Variants in PIP4P2 observed in about 807,000 individuals in gnomAD.
PIP4P2 encodes the protein type 2 phosphatidylinositol 4,5-bisphosphate 4-phosphatase.
PIP4P2 carries 19 observed loss-of-function variants against 33.3 expected under a neutral mutation model. The observed-to-expected ratio is 0.57, with a 90% CI of 0.40 to 0.84. PIP4P2 has a LOEUF of 0.84. Ranked by LOEUF, PIP4P2 falls within the 40% of genes least tolerant of loss-of-function variation. PIP4P2 has a pLI of 0.00. For missense variants in PIP4P2, 270 were observed against 324.7 expected, an observed-to-expected ratio of 0.83 and a Z score of 1.29; for synonymous variants, 110 against 111.9, an observed-to-expected ratio of 0.98 and a Z score of 0.11.
chr8:91,037,172 A>G (rs957219374), intron 1 of PIP4P2, among the ~76,000 whole-genome samples: 5 of 152,232 alleles, frequency 3.3e-5, no homozygotes, highest in Non-Finnish European at 7.3e-5. Context: ...AGGAAACTGA[A>G]TATCAGAAGA....
intron 4 of PIP4P2, among the ~76,000 whole-genome samples, chr8:91,014,748 T>C (rs1429950279): frequency 8.8e-6 from 1 of 113,974 alleles, no homozygotes; most frequent in East Asian, 2.5e-4. Context: ...TTTAGTATTC[T>C]TACCACAAAG....
At chr8:91,006,639 T>C (rs984568141) in intron 5 of PIP4P2, among the ~76,000 whole-genome samples, 1 of 152,228 alleles carries the variant, frequency 6.6e-6, no homozygotes, top group African/African-American at 2.4e-5. Context: ...ATAAAGCAAC[T>C]ATCACTCTGC....
chr8:91,005,446 T>C (rs768043670), intron 5 of PIP4P2, among the ~76,000 whole-genome samples: 5 of 152,146 alleles, frequency 3.3e-5, no homozygotes, highest in African/African-American at 4.8e-5. Context: ...CAAGATCCCT[T>C]TCCCTCTAAT....
Position 90,995,655 on chromosome 8 carries a change from C to T in PIP4P2, c.*22G>A, listed in dbSNP as rs1347947936. On this transcript the variant is annotated 3_prime_UTR_variant, in exon 7 of 7. Transcript: ENST00000285419. The stretch of plus-strand genomic sequence containing the variant: ...AAGAACTGCTAGACACTCTCACCTG[C>T]ATTACTGAATCATAAACAAGCTTAT... 1 of 1,602,964 alleles carries T rather than the reference C, an allele frequency of 6.2e-7. No homozygotes were observed. The highest frequency in any genetic ancestry group is 1.7e-5 in the Admixed American group (1 of 57,392).
At chr8:91,035,798 G>A (rs1167041003) in intron 1 of PIP4P2, among the ~76,000 whole-genome samples, 1 of 152,126 alleles carries the variant, frequency 6.6e-6, no homozygotes, top group African/African-American at 2.4e-5. Flanking sequence ...GGAGGCCAAG[G>A]CAGGCAAATT....
chr8:91,024,692 T>A (rs943799053), intron 1 of PIP4P2, among the ~76,000 whole-genome samples: 1 of 152,156 alleles, frequency 6.6e-6, no homozygotes, highest in African/African-American at 2.4e-5. Flanking sequence ...CATTAGATGT[T>A]GAAAGTCACA....
chr8:91,018,548 C>T (rs1432689665), intron 3 of PIP4P2, 35 bp from the exon 4 acceptor site: 1 of 1,612,854 alleles, frequency 6.2e-7, no homozygotes, highest in East Asian at 2.2e-5. Context: ...TTCACTATCC[C>T]ACAAATGGAC....
chr8:91,039,690 T>C (rs2130387864), intron 1 of PIP4P2, among the ~76,000 whole-genome samples: 1 of 152,316 alleles, frequency 6.6e-6, no homozygotes, highest in South Asian at 2.1e-4. Context: ...TTGACCAATC[T>C]TTTCACTAAC....
chr8:91,040,827 TCTGCTGCCG>T lies in PIP4P2; in HGVS notation c.-87_-79del, dbSNP rs1275741239. The stretch of plus-strand genomic sequence containing the variant: ...CGGAGTGGTGGCTACTGCTGCTGCC[TCTGCTGCCG>T]CTGCTGCCGCTGCAGCTGCTGCTGC... On this transcript the variant is annotated 5_prime_UTR_variant, in exon 1 of 7. Coordinates refer to ENST00000285419, the MANE Select transcript of PIP4P2 (RefSeq NM_018710.3). 55 of 1,332,750 alleles carry T rather than the reference TCTGCTGCCG, an allele frequency of 4.1e-5. No individual in the cohort carries two copies. The highest frequency in any genetic ancestry group is 2.6e-4 in the Middle Eastern group (1 of 3,918). 82.6% of individuals were successfully genotyped at this position (1,332,750 alleles called of 1,614,324 possible).
At chr8:91,032,267 A>C (rs191717124) in intron 1 of PIP4P2, among the ~76,000 whole-genome samples, 3 of 152,302 alleles carry the variant, frequency 2.0e-5, no homozygotes, top group African/African-American at 7.2e-5. Flanking sequence ...TTTACAGAAG[A>C]AAAGGAACTC....
At chr8:91,032,392 C>T (rs1586186816) in intron 1 of PIP4P2, among the ~76,000 whole-genome samples, 1 of 152,260 alleles carries the variant, frequency 6.6e-6, no homozygotes, top group East Asian at 1.9e-4. Context: ...TAGAAACCCT[C>T]ATAAAATAAC....
At chr8:91,038,603 T>C (rs1350271911) in intron 1 of PIP4P2, among the ~76,000 whole-genome samples, 4 of 152,184 alleles carry the variant, frequency 2.6e-5, no homozygotes, top group Non-Finnish European at 5.9e-5. Flanking sequence ...GTATGGCACA[T>C]TGTGCTTCCC....
intron 5 of PIP4P2, among the ~76,000 whole-genome samples, chr8:91,005,310 T>C (rs1038784037): frequency 6.6e-6 from 1 of 152,172 alleles, no homozygotes; most frequent in African/African-American, 2.4e-5. Flanking sequence ...CTAGTACATC[T>C]ATACTCTGAC....
At chr8:91,022,770 A>AT (rs1423717390) in intron 1 of PIP4P2, among the ~76,000 whole-genome samples, 1 of 152,244 alleles carries the variant, frequency 6.6e-6, no homozygotes, top group South Asian at 2.1e-4. Context: ...ATAATATAGG[A>AT]TTTTTTTCAG....
chr8:91,015,023 G>A (rs990604476), intron 4 of PIP4P2, among the ~76,000 whole-genome samples: 2 of 152,106 alleles, frequency 1.3e-5, no homozygotes, highest in Admixed American at 6.6e-5. Context: ...GATTTATTCT[G>A]TAGAGAAATT....
chr8:91,018,510 T>C lies in PIP4P2; in HGVS notation c.366A>G (p.Arg122=). ...TTACTGGGCCAAGGTTAATTATCCG[T>C]CTACTGTGAAAAGAGAAAGGAAACA... ...RRIGCPRPNC[R]RIINLGPVML... is the part of the protein sequence containing the mutation. Residue 122 remains arginine, a synonymous_variant, in exon 4 of 7, where the codon AGA becomes AGG. Transcript: ENST00000285419. 3 of 1,612,732 alleles carry C rather than the reference T, an allele frequency of 1.9e-6. No individual in the cohort carries two copies. The highest frequency in any genetic ancestry group is 2.5e-6 in the Non-Finnish European group (3 of 1,179,638).
chr8:91,039,921 T>A (rs973896783), intron 1 of PIP4P2, among the ~76,000 whole-genome samples: 1 of 152,158 alleles, frequency 6.6e-6, no homozygotes, highest in African/African-American at 2.4e-5. Flanking sequence ...TATTATTAAT[T>A]TGGGTTACTT....
chr8:90,994,177 G>A lies in PIP4P2; in HGVS notation c.*1500C>T, dbSNP rs1358602336. ...AAAACATAAATGAATATTATATAAA[G>A]AAACAGGTACATTCCTAAACATGAA... On this transcript the variant is annotated 3_prime_UTR_variant, in exon 7 of 7. Transcript: ENST00000285419. The A allele has an allele frequency of 2.0e-5, 3 of 151,888 alleles. No homozygotes were observed. The highest frequency in any genetic ancestry group is 7.3e-5 in the African/African-American group (3 of 41,368). 9.4% of individuals were successfully genotyped at this position (151,888 alleles called of 1,614,324 possible). A position where few individuals can be genotyped will look rare whatever the true frequency, so the allele number is the denominator to read the frequency against.
Position 91,018,399 on chromosome 8 carries a change from G to A in PIP4P2, c.477C>T (p.Asn159=). 6.2e-7 allele frequency: 1 copy of A among 1,613,980 alleles called. No individual in the cohort carries two copies. The highest frequency in any genetic ancestry group is 8.5e-7 in the Non-Finnish European group (1 of 1,179,894). ...GTRVVCGHCG[N]TFLWMELRFN... ...ATGTCCAGTGACTTACCAGGAATGT[G>A]TTTCCACAGTGCCCACACACGACCC... Residue 159 remains asparagine, a synonymous_variant, in exon 4 of 7, where the codon AAC becomes AAT. Transcript: ENST00000285419.
Sources: allele counts gnomAD v4.1 joint callset (sites outside exome capture counted in the v4.1 genomes callset), GRCh38; gene constraint gnomAD v4.1.1; transcripts MANE v1.5; gene names NCBI Gene and HGNC (gene_info 2026-07-23, HGNC 2026-07-21).